The following POPDC3 variants were observed in gnomAD, a reference collection of about 807,000 sequenced individuals.
POPDC3 encodes popeye domain-containing protein 3.
POPDC3 carries 20 observed loss-of-function variants against 28.2 expected under a neutral mutation model. The ratio of observed to expected loss-of-function variants is 0.71; its 90% CI spans 0.50 to 1.03. The LOEUF (loss-of-function observed/expected upper bound fraction) is 1.03, where lower values mean the gene tolerates loss of function less well. Ranked by LOEUF, POPDC3 falls within the 50% of genes least tolerant of loss-of-function variation. The pLI is 0.00. For synonymous variants in POPDC3, 118 were observed against 124.1 expected, an observed-to-expected ratio of 0.95 and a Z score of 0.33; for missense variants, 316 against 345.9, an observed-to-expected ratio of 0.91 and a Z score of 0.69.
Position 105,161,714 on chromosome 6 carries a change from C to G in POPDC3, c.196G>C (p.Val66Leu). Residue 66 changes from valine to leucine, a missense_variant, in exon 2 of 4, where the codon GTC (valine) becomes CTC (leucine). Physicochemically the swap from Val to Leu is conservative, Grantham distance 32 (BLOSUM62 1). Coordinates refer to ENST00000254765, the MANE Select transcript of POPDC3 (RefSeq NM_022361.5). ...GCACAGACATCTACCCAAGCCCAGA[C>G]AGCAGAACAGAGAAAACCCAACCCC... ...LLGLGFLCSA[V>L]WAWVDVCAAD... is the part of the protein sequence containing the mutation. 1.9e-6 allele frequency: 3 copies of G among 1,614,148 alleles called. No homozygotes were observed. Among genetic ancestry groups the G allele is most frequent in the East Asian group, 2.2e-5 (1 of 44,880 alleles).
chr6:105,158,380 T>C lies in POPDC3; in HGVS notation c.*90A>G. ...TTCTGAATTTGATTTATAAAAACAT[T>C]AGGGAGCTCTTTTTTTGTATTTTGC... On this transcript the variant is annotated 3_prime_UTR_variant, in exon 4 of 4. Transcript: ENST00000254765. 9.0e-7 allele frequency: 1 copy of C among 1,108,426 alleles called. No homozygotes were observed. Among genetic ancestry groups the C allele is most frequent in the Non-Finnish European group, 1.3e-6 (1 of 787,758 alleles). The allele number at this position is 1,108,426 out of a possible 1,614,324, so 68.7% of individuals were successfully genotyped here. A position where few individuals can be genotyped will look rare whatever the true frequency, so the allele number is the denominator to read the frequency against.
At chr6:105,166,423 A>G in intron 1 of POPDC3, 1 of 347,170 alleles carries the variant, frequency 2.9e-6, no homozygotes, top group East Asian at 8.2e-5. Flanking sequence ...ACCAGGGTTA[A>G]GAAGTGTCGA....
intron 1 of POPDC3, among the ~76,000 whole-genome samples, chr6:105,167,904 C>T (rs1774491304): frequency 6.6e-6 from 1 of 152,144 alleles, no homozygotes; most frequent in Admixed American, 6.5e-5. Flanking sequence ...ATGTGGCTTG[C>T]ATTATATTTC....
At chr6:105,174,521 C>T (rs1456750418) in intron 1 of POPDC3, among the ~76,000 whole-genome samples, 3 of 152,156 alleles carry the variant, frequency 2.0e-5, no homozygotes, top group Non-Finnish European at 2.9e-5. Flanking sequence ...CTGAAAATAT[C>T]GTAAGTTGAA....
intron 1 of POPDC3, among the ~76,000 whole-genome samples, chr6:105,168,379 T>C (rs1774502426): frequency 6.6e-6 from 1 of 152,270 alleles, no homozygotes; most frequent in Non-Finnish European, 1.5e-5. Flanking sequence ...TCTCTTAGGC[T>C]GGAGCATGCT....
In POPDC3 at chr6:105,158,094, C is replaced by T. The variant is rs1266046427; in HGVS notation, c.*376G>A. Among the ~76,000 whole-genome samples the T allele has an allele frequency of 6.6e-6, 1 of 152,174 alleles. No homozygotes were observed. The highest frequency in any genetic ancestry group is 1.5e-5 in the Non-Finnish European group (1 of 68,042). On this transcript the variant is annotated 3_prime_UTR_variant, in exon 4 of 4. Coordinates refer to ENST00000254765, the MANE Select transcript of POPDC3 (RefSeq NM_022361.5). Reference sequence around the variant, plus strand: ...TATGTGGACAGTAGCAACCCACCCTCAGGCTGAGAATACTTGCTGGCTCTT... The same window carrying T: ...TATGTGGACAGTAGCAACCCACCCTTAGGCTGAGAATACTTGCTGGCTCTT...
chr6:105,170,288 T>C (rs1471583177), intron 1 of POPDC3, among the ~76,000 whole-genome samples: 1 of 152,198 alleles, frequency 6.6e-6, no homozygotes, highest in Non-Finnish European at 1.5e-5. Flanking sequence ...AGATTCCTGA[T>C]GAAAGATGCA....
chr6:105,178,000 T>G (rs9486050), intron 1 of POPDC3, among the ~76,000 whole-genome samples: 2 of 152,196 alleles, frequency 1.3e-5, no homozygotes, highest in African/African-American at 4.8e-5. Flanking sequence ...ACTACTTAGA[T>G]AAAAGGGAGA....
chr6:105,157,992 A>G lies in POPDC3; in HGVS notation c.*478T>C, dbSNP rs1774220423. Reference sequence around the variant, plus strand: ...TGCATTTATTCTACTTTTTAGTCGCATCAAGTAACTGCACATTTAAAATAA... The same window carrying G: ...TGCATTTATTCTACTTTTTAGTCGCGTCAAGTAACTGCACATTTAAAATAA... On this transcript the variant is annotated 3_prime_UTR_variant, in exon 4 of 4. Coordinates refer to ENST00000254765, the MANE Select transcript of POPDC3 (RefSeq NM_022361.5). Among the ~76,000 whole-genome samples the G allele has an allele frequency of 7.6e-6, 1 of 132,284 alleles. No homozygotes were observed. The highest frequency in any genetic ancestry group is 2.5e-5 in the African/African-American group (1 of 39,330). 86.8% of individuals were successfully genotyped at this position (132,284 alleles called of 152,430 possible).
rs1774225164 is a variant in POPDC3 at position 105,158,206 on chromosome 6, C to T, written c.*264G>A. On this transcript the variant is annotated 3_prime_UTR_variant, in exon 4 of 4. Transcript: ENST00000254765. ...AGAATTGAGAAAGTGGAATTTCATT[C>T]TCCCAGTTTTGATGCAGAAAAGGGC... The T allele has an allele frequency of 1.0e-5, 4 of 390,398 alleles. No homozygotes were observed. The East Asian group carries it at 1.7e-4, about 16-fold the overall frequency. 24.2% of individuals were successfully genotyped at this position (390,398 alleles called of 1,614,324 possible).
rs1203618152 is a variant in POPDC3, at chr6:105,158,055, A to G, written c.*415T>C. Among the ~76,000 whole-genome samples the G allele has an allele frequency of 6.6e-6, 1 of 152,178 alleles. No homozygotes were observed. Among genetic ancestry groups the G allele is most frequent in the Admixed American group, 6.5e-5 (1 of 15,276 alleles). ...ACTGGAGGTTGTAGCAAAAAAGTGA[A>G]TTCCGGAAATGCCTATGTGGACAGT... On this transcript the variant is annotated 3_prime_UTR_variant, in exon 4 of 4. Transcript: ENST00000254765.
In POPDC3 at chr6:105,167,172, CAG is replaced by C. The variant is rs144729062; in HGVS notation, c.-251-5014_-251-5013del. Among the ~76,000 whole-genome samples the C allele has an allele frequency of 8.4e-3, 1,268 of 151,246 alleles. 19 individuals carry two copies. The highest frequency in any genetic ancestry group is 0.029 in the African/African-American group (1,216 of 41,236). ...GAAGAGGTGAAAGGATCTATTGAAA[CAG>C]AGGAACGAAGAAGGGTTGAAGACAT... On this transcript the variant is annotated intron_variant, in intron 1 of 3. Coordinates refer to ENST00000254765, the MANE Select transcript of POPDC3 (RefSeq NM_022361.5).
At chr6:105,167,152 G>GGT (rs1352590215) in intron 1 of POPDC3, among the ~76,000 whole-genome samples, 2 of 151,842 alleles carry the variant, frequency 1.3e-5, no homozygotes, top group Non-Finnish European at 2.9e-5. Flanking sequence ...ATGAGGAAGA[G>GGT]GTGAAAGGAT....
In POPDC3 at chr6:105,158,614, A is replaced by G. The variant is rs1774245029; in HGVS notation, c.732T>C (p.Tyr244=). 3 of 1,614,210 alleles carry G rather than the reference A, an allele frequency of 1.9e-6. No individual in the cohort carries two copies. The highest frequency in any genetic ancestry group is 2.5e-6 in the Non-Finnish European group (3 of 1,180,022). ...CTATATATACCCTGTCATTCAAGGCATAGAGTTTATCTGCAATGTCACTGC... is the reference window on the plus strand; with the variant it reads ...CTATATATACCCTGTCATTCAAGGCGTAGAGTTTATCTGCAATGTCACTGC... ...LIGSDIADKL[Y]ALNDRVYIGK... Residue 244 remains tyrosine, a synonymous_variant, in exon 4 of 4, where the codon TAT becomes TAC. Coordinates refer to ENST00000254765, the MANE Select transcript of POPDC3 (RefSeq NM_022361.5).
chr6:105,164,890 T>C (rs1774427117), intron 1 of POPDC3, among the ~76,000 whole-genome samples: 2 of 152,210 alleles, frequency 1.3e-5, no homozygotes, highest in African/African-American at 2.4e-5. Context: ...TTACGAGTTA[T>C]AAAGGAATAG....
At chr6:105,168,001 T>C (rs1213311189) in intron 1 of POPDC3, among the ~76,000 whole-genome samples, 1 of 152,182 alleles carries the variant, frequency 6.6e-6, no homozygotes, top group Non-Finnish European at 1.5e-5. Flanking sequence ...ACATTGCATA[T>C]GTATAATGCA....
intron 1 of POPDC3, chr6:105,178,572 ACACACACACAC>A (rs1373734721): frequency 3.3e-4 from 1 of 3,022 alleles, no homozygotes; most frequent in Non-Finnish European, 5.0e-3. Flanking sequence ...AGACACACAC[ACACACACACAC>A]ACACACACAC....
chr6:105,169,485 A>G (rs1425703948), intron 1 of POPDC3: 1 of 152,232 alleles, frequency 6.6e-6, no homozygotes, highest in Non-Finnish European at 1.5e-5. Context: ...CTAGAATACC[A>G]TGTTTTCATG....
Position 105,167,606 on chromosome 6 carries a change from A to G in POPDC3, c.-251-5446T>C, listed in dbSNP as rs558940777. Among the ~76,000 whole-genome samples the G allele has an allele frequency of 1.5e-4, 23 of 151,868 alleles. No homozygotes were observed. The South Asian group carries it at 4.8e-3, about 32-fold the overall frequency. The stretch of plus-strand genomic sequence containing the variant: ...TACTAAAAATACAAAAATTAGCCAG[A>G]TGTGATGGTGGGTGCCTATAATCCC... On this transcript the variant is annotated intron_variant, in intron 1 of 3. Coordinates refer to ENST00000254765, the MANE Select transcript of POPDC3 (RefSeq NM_022361.5).
Sources: gnomAD v4.1 joint callset for allele counts (sites outside exome capture counted in the v4.1 genomes callset) on GRCh38, gnomAD v4.1.1 for gene constraint, MANE v1.5 for transcripts, NCBI Gene and HGNC (gene_info 2026-07-23, HGNC 2026-07-21) for gene names.